The following SUGCT variants were observed in gnomAD, a reference collection of about 807,000 sequenced individuals.
SUGCT encodes succinyl-CoA:glutarate CoA-transferase.
A neutral mutation model predicts 55.0 loss-of-function variants in SUGCT; 41 were observed. That is an observed-to-expected ratio of 0.74 (90% CI 0.58 to 0.97). The LOEUF is 0.97. SUGCT is among the 50% of genes least tolerant of loss of function. SUGCT has a pLI of 0.00. For synonymous variants in SUGCT, 187 were observed against 200.4 expected (o/e 0.93, Z 0.56); for missense variants, 568 against 547.8 (o/e 1.04, Z -0.37).
At chr7:40,853,945 G>A (rs1360486392) in intron 13 of SUGCT, among the ~76,000 whole-genome samples, 1 of 152,208 alleles carries the variant, frequency 6.6e-6, no homozygotes, top group East Asian at 1.9e-4. Context: ...CATTATTCCT[G>A]CCCCCATAGG....
chr7:40,588,895 T>G (rs1036103376), intron 12 of SUGCT, among the ~76,000 whole-genome samples: 1 of 152,218 alleles, frequency 6.6e-6, no homozygotes, highest in African/African-American at 2.4e-5. Flanking sequence ...GCCATTTTCC[T>G]TAGAATCTGG....
At position 40,181,939 on chromosome 7, in the gene SUGCT, A is replaced by AT; in HGVS notation, c.153-11dup. ...CAAGATGGTAATTAATTTATTTATC[A>AT]TTTTTAACATTGTAGAGTCCTGGCG... On this transcript the variant is annotated splice_polypyrimidine_tract_variant and intron_variant, in intron 2 of 13. Coordinates refer to ENST00000335693, the MANE Select transcript of SUGCT (RefSeq NM_001193313.2). 1 of 1,475,962 alleles carries AT rather than the reference A, an allele frequency of 6.8e-7. No individual in the cohort carries two copies. The highest frequency in any genetic ancestry group is 9.3e-7 in the Non-Finnish European group (1 of 1,080,886). 91.4% of individuals were successfully genotyped at this position (1,475,962 alleles called of 1,614,324 possible).
At chr7:40,318,573 A>G (rs1379502327) in intron 9 of SUGCT, among the ~76,000 whole-genome samples, 1 of 152,168 alleles carries the variant, frequency 6.6e-6, no homozygotes, top group Non-Finnish European at 1.5e-5. Context: ...AGTAGCTGGG[A>G]CTACTGGCAT....
chr7:40,500,887 A>G (rs1404367556), intron 12 of SUGCT, among the ~76,000 whole-genome samples: 2 of 120,680 alleles, frequency 1.7e-5, no homozygotes, highest in South Asian at 2.4e-4. Context: ...ACACACAAAC[A>G]CATACACATA....
chr7:40,476,436 G>A (rs1482517667), intron 11 of SUGCT, among the ~76,000 whole-genome samples: 1 of 152,086 alleles, frequency 6.6e-6, no homozygotes, highest in Non-Finnish European at 1.5e-5. Flanking sequence ...ATATGATGAT[G>A]AGGGAAAAAA....
the SUGCT span, among the ~76,000 whole-genome samples, chr7:40,945,752 C>T: frequency 6.6e-6 from 1 of 152,118 alleles, no homozygotes; most frequent in African/African-American, 2.4e-5. Flanking sequence ...TTCCCCTTGC[C>T]CCAGGAGTAG....
chr7:40,320,539 T>G (rs1197779280), intron 9 of SUGCT, among the ~76,000 whole-genome samples: 1 of 152,254 alleles, frequency 6.6e-6, no homozygotes, highest in Non-Finnish European at 1.5e-5. Flanking sequence ...GTAACATAGT[T>G]GTCAGTGGGG....
intron 6 of SUGCT, among the ~76,000 whole-genome samples, chr7:40,219,876 T>G (rs530223077): frequency 6.6e-6 from 1 of 152,054 alleles, no homozygotes. Flanking sequence ...CTAAATCTTA[T>G]GTTCACTCCC....
chr7:40,206,029 C>A (rs1786957046), intron 6 of SUGCT, among the ~76,000 whole-genome samples: 1 of 152,062 alleles, frequency 6.6e-6, no homozygotes, highest in African/African-American at 2.4e-5. Context: ...AGACTAGGGA[C>A]CAGTAAAAGG....
intron 1 of SUGCT, among the ~76,000 whole-genome samples, chr7:40,158,356 T>C (rs1383836256): frequency 6.6e-6 from 1 of 152,246 alleles, no homozygotes; most frequent in East Asian, 1.9e-4. Context: ...ATAAAAGTTT[T>C]TCACTGAAAA....
intron 9 of SUGCT, among the ~76,000 whole-genome samples, chr7:40,380,134 G>A (rs71536680): frequency 0.12 from 18,086 of 152,102 alleles, 1,101 homozygotes; most frequent in Non-Finnish European, 0.15. Context: ...GTGCTAATGG[G>A]GATTCCAAGG....
intron 7 of SUGCT, among the ~76,000 whole-genome samples, chr7:40,240,743 A>G (rs1789326573): frequency 6.6e-6 from 1 of 152,138 alleles, no homozygotes; most frequent in African/African-American, 2.4e-5. Flanking sequence ...GCATAACTCC[A>G]TGTTGTCAGA....
In SUGCT at chr7:40,532,832, C is replaced by T. The variant is rs144722740; in HGVS notation, c.1089+36446C>T. On this transcript the variant is annotated intron_variant, in intron 12 of 13. Coordinates refer to ENST00000335693, the MANE Select transcript of SUGCT (RefSeq NM_001193313.2). ...CTTTAGGACCTGTAAATTAATGTTTCGTATGTGAATTATGAATACAATATT... is the reference window on the plus strand; with the variant it reads ...CTTTAGGACCTGTAAATTAATGTTTTGTATGTGAATTATGAATACAATATT... Among the ~76,000 whole-genome samples, 7 of 152,086 alleles carry T rather than the reference C, an allele frequency of 4.6e-5. No homozygotes were observed. In the East Asian group the frequency reaches 5.8e-4, roughly 13 times the overall value.
At chr7:40,354,645 G>T (rs1170201384) in intron 9 of SUGCT, among the ~76,000 whole-genome samples, 2 of 149,678 alleles carry the variant, frequency 1.3e-5, no homozygotes, top group African/African-American at 4.9e-5. Context: ...GAGTTTAGGG[G>T]TATAAAATAA....
chr7:40,676,905 GTGT>G (rs1349240441), intron 12 of SUGCT, among the ~76,000 whole-genome samples: 1 of 150,918 alleles, frequency 6.6e-6, no homozygotes, highest in Non-Finnish European at 1.5e-5. Context: ...GTGTGTGTGT[GTGT>G]GTGTGTGTGT....
At chr7:40,458,855 C>G (rs1426186430) in intron 10 of SUGCT, among the ~76,000 whole-genome samples, 3 of 152,100 alleles carry the variant, frequency 2.0e-5, no homozygotes, top group Non-Finnish European at 4.4e-5. Context: ...GCATCTTTTG[C>G]TGGTCTCCTA....
chr7:40,274,316 T>C (rs1401780761), intron 7 of SUGCT, among the ~76,000 whole-genome samples, 197 bp from the exon 8 acceptor site: 1 of 152,130 alleles, frequency 6.6e-6, no homozygotes, highest in African/African-American at 2.4e-5. Flanking sequence ...CTGAGAAGTA[T>C]ATAGTAAATA....
In SUGCT at chr7:40,366,550, A is replaced by G. The variant is rs555356070; in HGVS notation, c.816+49695A>G. Among the ~76,000 whole-genome samples the G allele has an allele frequency of 2.2e-3, 332 of 152,274 alleles. 5 individuals are homozygous for G. Among genetic ancestry groups the G allele is most frequent in the African/African-American group, 7.6e-3 (315 of 41,536 alleles). ...GGCTAATATCCAGAATCTACAATAA[A>G]ATCAAACAAATTTACAAGAAAAAAA... On this transcript the variant is annotated intron_variant, in intron 9 of 13. Coordinates refer to ENST00000335693, the MANE Select transcript of SUGCT (RefSeq NM_001193313.2).
intron 12 of SUGCT, among the ~76,000 whole-genome samples, chr7:40,718,721 T>G (rs912754100): frequency 1.3e-5 from 2 of 152,172 alleles, no homozygotes; most frequent in Non-Finnish European, 2.9e-5. Flanking sequence ...TTGCATTGAC[T>G]TTTTTTCAGA....
Sources: gnomAD v4.1 joint callset for allele counts (sites outside exome capture counted in the v4.1 genomes callset) on GRCh38, gnomAD v4.1.1 for gene constraint, MANE v1.5 for transcripts, NCBI Gene and HGNC (gene_info 2026-07-23, HGNC 2026-07-21) for gene names.